The following BTBD2 variants were observed in gnomAD, a reference collection of about 807,000 sequenced individuals.
The protein encoded by BTBD2 is BTB/POZ domain-containing protein 2.
A neutral mutation model predicts 44.0 loss-of-function variants in BTBD2; 15 were observed. That is an observed-to-expected ratio of 0.34 (90% CI 0.23 to 0.53). The LOEUF (loss-of-function observed/expected upper bound fraction) is 0.53. Among genes scored for constraint, BTBD2 ranks in the 20% least tolerant of loss-of-function variants. BTBD2 has a pLI of 0.95. For synonymous variants in BTBD2, 443 were observed against 335.9 expected (o/e 1.32, Z -3.49); for missense variants, 657 against 746.4 (o/e 0.88, Z 1.39).
intron 4 of BTBD2, 101 bp from the exon 5 acceptor site, chr19:1,990,302 G>A (rs2016156780): frequency 7.4e-7 from 1 of 1,346,428 alleles, no homozygotes; most frequent in Non-Finnish European, 1.0e-6. Flanking sequence ...AAGCCGGGCT[G>A]GCAACTATGG....
chr19:2,000,713 G>C (rs1394756349), intron 1 of BTBD2, among the ~76,000 whole-genome samples: 1 of 151,970 alleles, frequency 6.6e-6, no homozygotes, highest in Non-Finnish European at 1.5e-5. Flanking sequence ...AACAAATCGA[G>C]AACACACGGC....
chr19:1,986,351 A>T lies in BTBD2; in HGVS notation c.*137T>A. 1.8e-6 allele frequency: 2 copies of T among 1,100,872 alleles called. No homozygotes were observed. Among genetic ancestry groups the T allele is most frequent in the Non-Finnish European group, 2.7e-6 (2 of 752,822 alleles). The allele number at this position is 1,100,872 out of a possible 1,614,324, so 68.2% of individuals were successfully genotyped here. ...AGGGCAACCCCGTCCTGATGCTGAGAAAGGTGGCATGGAGTGGACAGACGG... is the reference window on the plus strand; with the variant it reads ...AGGGCAACCCCGTCCTGATGCTGAGTAAGGTGGCATGGAGTGGACAGACGG... On this transcript the variant is annotated 3_prime_UTR_variant, in exon 9 of 9. Transcript: ENST00000255608.
rs1223450066 is a variant in BTBD2, at chr19:2,015,361, C to T, written c.343G>A (p.Val115Met). The T allele has an allele frequency of 2.6e-5, 42 of 1,585,270 alleles. No homozygotes were observed. The highest frequency in any genetic ancestry group is 3.3e-5 in the Non-Finnish European group (39 of 1,173,122). Residue 115 changes from valine to methionine, a missense_variant, in exon 1 of 9, where the codon GTG (valine) becomes ATG (methionine). Coordinates refer to ENST00000255608, the MANE Select transcript of BTBD2 (RefSeq NM_017797.4). ...ERFAFLFNNE[V>M]LCDVHFLVGK... ...ACCAGGAAGTGCACGTCGCACAGCA[C>T]CTCGTTGTTGAAGAGGAAGGCGAAG...
At position 1,993,186 on chromosome 19, in the gene BTBD2, C is replaced by G; in HGVS notation, c.528-10G>C. The stretch of plus-strand genomic sequence containing the variant: ...GTCCGAGTAGAGAAACCTGCAGAAG[C>G]AACGCGGGTGGCCGTGAGGTGGGAC... On this transcript the variant is annotated splice_polypyrimidine_tract_variant and intron_variant, in intron 2 of 8. Coordinates refer to ENST00000255608, the MANE Select transcript of BTBD2 (RefSeq NM_017797.4). 3 of 1,590,152 alleles carry G rather than the reference C, an allele frequency of 1.9e-6. No individual in the cohort carries two copies. Among genetic ancestry groups the G allele is most frequent in the Non-Finnish European group, 2.6e-6 (3 of 1,174,802 alleles).
At chr19:1,987,320 C>T in intron 6 of BTBD2, 67 bp from the exon 7 acceptor site, 1 of 1,568,414 alleles carries the variant, frequency 6.4e-7, no homozygotes, top group Non-Finnish European at 8.7e-7. Flanking sequence ...CTGGGGCGAG[C>T]CCACCCCCAT....
chr19:1,996,178 G>A (rs979110384), intron 2 of BTBD2, among the ~76,000 whole-genome samples: 6 of 152,040 alleles, frequency 3.9e-5, no homozygotes, highest in Admixed American at 1.3e-4. Context: ...CTGTCCTTAC[G>A]CCAGTACCAC....
intron 2 of BTBD2, among the ~76,000 whole-genome samples, chr19:1,995,735 C>A (rs1196515915): frequency 6.6e-6 from 1 of 151,382 alleles, no homozygotes; most frequent in African/African-American, 2.4e-5. Context: ...CTCCCGGGTT[C>A]ACGCCATTCT....
chr19:2,000,067 G>A (rs1262049129), intron 1 of BTBD2, among the ~76,000 whole-genome samples: 1 of 152,188 alleles, frequency 6.6e-6, no homozygotes, highest in East Asian at 1.9e-4. Flanking sequence ...GACGTCTGGA[G>A]TCCCCAGAAG....
In BTBD2 at chr19:2,006,519, AAAG is replaced by A. The variant is rs896795674; in HGVS notation, c.407+8775_407+8777del. Among the ~76,000 whole-genome samples, 38 of 149,260 alleles carry A rather than the reference AAAG, an allele frequency of 2.5e-4. 1 individual carries two copies. Among genetic ancestry groups the A allele is most frequent in the South Asian group, 4.2e-4 (2 of 4,748 alleles). ...GAGACTCCGTCTCAAAAAAAAAAAAAAAGAAAAGAAAAATCACCCAACTTTATG... is the reference window on the plus strand; with the variant it reads ...GAGACTCCGTCTCAAAAAAAAAAAAAAAAAGAAAAATCACCCAACTTTATG... On this transcript the variant is annotated intron_variant, in intron 1 of 8. Transcript: ENST00000255608.
In BTBD2 at chr19:2,007,700, C is replaced by T. The variant is rs146351307; in HGVS notation, c.407+7597G>A. Among the ~76,000 whole-genome samples, 442 of 152,260 alleles carry T rather than the reference C, an allele frequency of 2.9e-3. 3 individuals carry two copies. The highest frequency in any genetic ancestry group is 0.01 in the African/African-American group (423 of 41,562). ...AATTAGCCGGGTGTGGTGGTGCACA[C>T]CTGTAATCCCAGCCACTCGGGAGGC... is the stretch of plus-strand genomic sequence containing the variant. On this transcript the variant is annotated intron_variant, in intron 1 of 8. Transcript: ENST00000255608.
rs2016215393 is a variant in BTBD2 at position 1,993,892 on chromosome 19, G to A, written c.528-716C>T. On this transcript the variant is annotated intron_variant, in intron 2 of 8. Transcript: ENST00000255608. ...GGCGCCTGTAGTCCCAGCTACTTGG[G>A]AGGCTGAGGCAAGAGAATCGCTTGA... is the stretch of plus-strand genomic sequence containing the variant. 3.4e-5 allele frequency among the ~76,000 whole-genome samples: 5 copies of A among 148,314 alleles called. No individual in the cohort carries two copies. In the South Asian group the frequency reaches 1.1e-3, roughly 32 times the overall value.
chr19:2,012,105 C>T (rs572495961), intron 1 of BTBD2, among the ~76,000 whole-genome samples: 3 of 152,114 alleles, frequency 2.0e-5, no homozygotes, highest in South Asian at 2.1e-4. Context: ...TCGCCCGCCT[C>T]GGCCTCCCAA....
chr19:1,995,503 C>T (rs573801189), intron 2 of BTBD2, among the ~76,000 whole-genome samples: 23 of 146,694 alleles, frequency 1.6e-4, no homozygotes, highest in African/African-American at 5.0e-4. Context: ...AGGATGGTCT[C>T]GATCTCCTGA....
chr19:2,012,192 G>A (rs947903319), intron 1 of BTBD2, among the ~76,000 whole-genome samples: 2 of 143,842 alleles, frequency 1.4e-5, no homozygotes, highest in Admixed American at 7.0e-5. Flanking sequence ...TCACTGTGTC[G>A]CCTGGGCTGG....
intron 1 of BTBD2, among the ~76,000 whole-genome samples, chr19:2,001,240 G>C (rs1477811043): frequency 6.6e-6 from 1 of 152,046 alleles, no homozygotes; most frequent in African/African-American, 2.4e-5. Context: ...GCTCACACCT[G>C]TAATCCCAGC....
At chr19:1,987,790 G>A (rs1230939264) in intron 5 of BTBD2, 98 bp from the exon 6 acceptor site, 4 of 1,260,344 alleles carry the variant, frequency 3.2e-6, no homozygotes, top group Non-Finnish European at 4.3e-6. Flanking sequence ...GTCTGCGTCG[G>A]ACTTTCAAGG....
chr19:2,009,359 A>G (rs1488790854), intron 1 of BTBD2, among the ~76,000 whole-genome samples: 1 of 151,576 alleles, frequency 6.6e-6, no homozygotes, highest in Non-Finnish European at 1.5e-5. Flanking sequence ...CCGCCACACC[A>G]GGCTAATTTT....
chr19:1,990,005 T>G lies in BTBD2; in HGVS notation c.987A>C (p.Ala329=), dbSNP rs2016150339. 3 of 1,613,086 alleles carry G rather than the reference T, an allele frequency of 1.9e-6. No homozygotes were observed. Among genetic ancestry groups the G allele is most frequent in the Non-Finnish European group, 2.5e-6 (3 of 1,179,978 alleles). Residue 329 remains alanine (A), a splice_region_variant and synonymous_variant, in exon 5 of 9, where the codon GCA becomes GCC. Coordinates refer to ENST00000255608, the MANE Select transcript of BTBD2 (RefSeq NM_017797.4). ...GCCCCTGAGCCCGAGCTCTGTTACC[T>G]GCAGCGAACTCCTCGATGGTCATGA... The part of the protein sequence containing the change: ...FPLMTIEEFA[A]GPAQSGILVD...
At chr19:1,997,558 G>A in intron 1 of BTBD2, 95 bp from the exon 2 acceptor site, 1 of 1,546,450 alleles carries the variant, frequency 6.5e-7, no homozygotes, top group South Asian at 1.2e-5. Context: ...ACCCCACTAG[G>A]GCTCCCTGCC....
Sources: allele counts gnomAD v4.1 joint callset (sites outside exome capture counted in the v4.1 genomes callset), GRCh38; gene constraint gnomAD v4.1.1; transcripts MANE v1.5; gene names NCBI Gene and HGNC (gene_info 2026-07-23, HGNC 2026-07-21).